The following LRMDA variants were observed in gnomAD, a reference collection of about 807,000 sequenced individuals.
LRMDA encodes the protein leucine rich melanocyte differentiation associated.
In LRMDA, 18 loss-of-function variants were observed where a neutral mutation model predicts 29.8. That is an observed-to-expected ratio of 0.60 (90% CI 0.42 to 0.90). The LOEUF is 0.90. Among genes scored for constraint, LRMDA ranks in the 40% least tolerant of loss-of-function variants. The pLI is 0.00. For synonymous variants in LRMDA, 125 were observed against 109.4 expected (o/e 1.14, Z -0.89); for missense variants, 273 against 273.9 (o/e 1.00, Z 0.02).
At chr10:75,545,267 A>G (rs1349552801) in intron 2 of LRMDA, among the ~76,000 whole-genome samples, 1 of 152,140 alleles carries the variant, frequency 6.6e-6, no homozygotes, top group Non-Finnish European at 1.5e-5. Context: ...AAAGTCCATC[A>G]ATTAAGTCAG....
rs556891664 is a variant in LRMDA, at chr10:76,439,440, G to A, written c.601+114955G>A. Among the ~76,000 whole-genome samples the A allele has an allele frequency of 5.3e-5, 8 of 152,314 alleles. No individual in the cohort carries two copies. In the South Asian group the frequency reaches 8.3e-4, roughly 16 times the overall value. On this transcript the variant is annotated intron_variant, in intron 6 of 6. Transcript: ENST00000611255. Reference sequence around the variant, plus strand: ...GTGCATGGTGGTTCATGCACAATCTGTTCTTCTGATTCAAAAACACCATTC... The same window carrying A: ...GTGCATGGTGGTTCATGCACAATCTATTCTTCTGATTCAAAAACACCATTC...
intron 2 of LRMDA, among the ~76,000 whole-genome samples, chr10:75,604,430 C>G (rs1840929564): frequency 1.3e-5 from 2 of 152,244 alleles, no homozygotes; most frequent in South Asian, 4.1e-4. Flanking sequence ...TCATGTTTAT[C>G]ATTATTACCT....
At chr10:75,936,509 C>T (rs913684685) in intron 2 of LRMDA, among the ~76,000 whole-genome samples, 2 of 152,082 alleles carry the variant, frequency 1.3e-5, no homozygotes, top group African/African-American at 4.8e-5. Context: ...CACATATTTA[C>T]CCGCACATAT....
intron 5 of LRMDA, among the ~76,000 whole-genome samples, chr10:76,297,043 T>C (rs1213335126): frequency 6.6e-6 from 1 of 152,224 alleles, no homozygotes; most frequent in African/African-American, 2.4e-5. Flanking sequence ...CCAGTGCTCC[T>C]ATCACTCACA....
At chr10:75,601,649 T>A (rs150859901) in intron 2 of LRMDA, among the ~76,000 whole-genome samples, 1 of 152,322 alleles carries the variant, frequency 6.6e-6, no homozygotes, top group African/African-American at 2.4e-5. Context: ...ATTGGTAATT[T>A]GGTATTAAAT....
At chr10:76,047,999 C>T (rs1254780580) in intron 4 of LRMDA, among the ~76,000 whole-genome samples, 1 of 152,064 alleles carries the variant, frequency 6.6e-6, no homozygotes, top group Admixed American at 6.6e-5. Flanking sequence ...TTGGTCTTAC[C>T]CATTTTACCA....
chr10:76,121,596 C>T (rs1849790542), intron 5 of LRMDA, among the ~76,000 whole-genome samples: 1 of 152,190 alleles, frequency 6.6e-6, no homozygotes, highest in African/African-American at 2.4e-5. Flanking sequence ...GGAAACTTCT[C>T]CCCTTAATGT....
At chr10:76,139,779 T>G (rs944893947) in intron 5 of LRMDA, among the ~76,000 whole-genome samples, 1 of 152,188 alleles carries the variant, frequency 6.6e-6, no homozygotes, top group South Asian at 2.1e-4. Context: ...CTGACTGTTA[T>G]GTCAAACTAA....
At chr10:76,083,960 A>C (rs1215923239) in intron 5 of LRMDA, among the ~76,000 whole-genome samples, 1 of 152,138 alleles carries the variant, frequency 6.6e-6, no homozygotes, top group African/African-American at 2.4e-5. Context: ...ACTTACTTAA[A>C]TATGAAGCTT....
intron 5 of LRMDA, among the ~76,000 whole-genome samples, chr10:76,076,345 CAAAAA>C (rs397846101): frequency 5.1e-3 from 253 of 50,022 alleles, no homozygotes; most frequent in African/African-American, 0.02. Flanking sequence ...GACTCCATCT[CAAAAA>C]AAAAAAAAAA....
At chr10:75,839,543 C>CA (rs1844497885) in intron 2 of LRMDA, among the ~76,000 whole-genome samples, 1 of 140,282 alleles carries the variant, frequency 7.1e-6, no homozygotes, top group Non-Finnish European at 1.6e-5. Flanking sequence ...TTTATTTTTC[C>CA]TTTTTTTTTT....
chr10:75,614,418 G>GT (rs548330416), intron 2 of LRMDA, among the ~76,000 whole-genome samples: 20 of 152,262 alleles, frequency 1.3e-4, no homozygotes, highest in African/African-American at 4.3e-4. Context: ...ACGGCCATTA[G>GT]TTTTTTTCAG....
At chr10:75,511,297 C>T (rs1427155930) in intron 2 of LRMDA, among the ~76,000 whole-genome samples, 1 of 152,136 alleles carries the variant, frequency 6.6e-6, no homozygotes, top group East Asian at 1.9e-4. Context: ...ATTGTGCCAT[C>T]ACACTCCAGC....
intron 2 of LRMDA, among the ~76,000 whole-genome samples, chr10:75,506,163 G>A (rs1845166511): frequency 6.6e-6 from 1 of 152,140 alleles, no homozygotes; most frequent in Admixed American, 6.6e-5. Context: ...ATCCTGTCCT[G>A]CTTTACCTTT....
chr10:75,520,436 A>G (rs1481938194), intron 2 of LRMDA, among the ~76,000 whole-genome samples: 1 of 152,118 alleles, frequency 6.6e-6, no homozygotes, highest in African/African-American at 2.4e-5. Context: ...TTGATCTTCA[A>G]TCACTGATAT....
intron 2 of LRMDA, chr10:75,642,849 T>C (rs907875751): frequency 2.0e-5 from 3 of 152,176 alleles, no homozygotes; most frequent in South Asian, 2.1e-4. Flanking sequence ...GTTCCCATGA[T>C]CTTTTGCTGA....
intron 2 of LRMDA, among the ~76,000 whole-genome samples, chr10:75,622,000 A>G (rs1841194298): frequency 1.3e-5 from 2 of 152,182 alleles, no homozygotes; most frequent in African/African-American, 4.8e-5. Flanking sequence ...GAAACACATA[A>G]TCCGGGGGCC....
At chr10:75,916,793 T>C (rs1845942634) in intron 2 of LRMDA, among the ~76,000 whole-genome samples, 1 of 152,166 alleles carries the variant, frequency 6.6e-6, no homozygotes. Flanking sequence ...CTGTCAGCTT[T>C]TTTATTACAA....
rs538884046 is a variant in LRMDA at position 75,880,859 on chromosome 10, C to G, written c.132-155149C>G. 1.1e-4 allele frequency among the ~76,000 whole-genome samples: 16 copies of G among 152,276 alleles called. No homozygotes were observed. The South Asian group carries it at 3.3e-3, about 32-fold the overall frequency. On this transcript the variant is annotated intron_variant, in intron 2 of 6. Transcript: ENST00000611255. ...GCCTGTACTTGGTGTAGGAGTACTT[C>G]CAGACTGTATGATGGGATAGGACCA...
Sources: allele counts gnomAD v4.1 joint callset (sites outside exome capture counted in the v4.1 genomes callset), GRCh38; gene constraint gnomAD v4.1.1; transcripts MANE v1.5; gene names NCBI Gene and HGNC (gene_info 2026-07-23, HGNC 2026-07-21).